Variants in CAPN14 observed in about 807,000 individuals in gnomAD.
CAPN14 encodes calpain 14, also known as calpain-14.
A neutral mutation model predicts 101.3 loss-of-function variants in CAPN14; 94 were observed. The observed-to-expected ratio is 0.93, with a 90% CI of 0.79 to 1.10. The LOEUF (loss-of-function observed/expected upper bound fraction) is 1.10. Among genes scored for constraint, CAPN14 ranks in the 50% least tolerant of loss-of-function variants. The pLI is 0.00. For synonymous variants in CAPN14, 338 were observed against 317.9 expected, an observed-to-expected ratio of 1.06 and a Z score of -0.67; for missense variants, 837 against 828.4, an observed-to-expected ratio of 1.01 and a Z score of -0.13.
intron 1 of CAPN14, among the ~76,000 whole-genome samples, chr2:31,227,755 C>T (rs902104705): frequency 6.6e-6 from 1 of 152,216 alleles, no homozygotes; most frequent in African/African-American, 2.4e-5. Flanking sequence ...TCGCCTCCAA[C>T]TGAAGTAAAC....
chr2:31,228,844 C>T (rs1231236634), intron 1 of CAPN14, among the ~76,000 whole-genome samples: 3 of 152,132 alleles, frequency 2.0e-5, no homozygotes, highest in Non-Finnish European at 4.4e-5. Flanking sequence ...CAAGCTCACA[C>T]AGCAAAGACA....
In CAPN14 at chr2:31,177,100, C is replaced by T. The variant is rs1206528913; in HGVS notation, c.1898G>A (p.Arg633His). 20 of 1,551,176 alleles carry T rather than the reference C, an allele frequency of 1.3e-5. No homozygotes were observed. The highest frequency in any genetic ancestry group is 1.7e-4 in the Middle Eastern group (1 of 6,014). Residue 633 changes from arginine to histidine, a missense_variant, in exon 20 of 22, where the codon CGC (arginine) becomes CAC (histidine). Coordinates refer to ENST00000403897, the MANE Select transcript of CAPN14 (RefSeq NM_001145122.2). Reference protein sequence around the residue: ...SDDVCQLMLIRYGGPRLQMDF... With the variant: ...SDDVCQLMLIHYGGPRLQMDF... Reference sequence around the variant, plus strand: ...CATCTGGAGGCGGGGGCCGCCGTAGCGGATGAGCATCAGCTGACAGACGTC... The same window carrying T: ...CATCTGGAGGCGGGGGCCGCCGTAGTGGATGAGCATCAGCTGACAGACGTC...
chr2:31,175,485 T>G (rs1378741067), intron 21 of CAPN14, among the ~76,000 whole-genome samples: 1 of 152,208 alleles, frequency 6.6e-6, no homozygotes, highest in Non-Finnish European at 1.5e-5. Flanking sequence ...CCCTGCTCAG[T>G]TTTGGGCTGT....
intron 5 of CAPN14, 113 bp downstream of exon 5, chr2:31,201,749 A>G: frequency 2.2e-6 from 3 of 1,348,562 alleles, no homozygotes; most frequent in Middle Eastern, 4.5e-4. Flanking sequence ...GTTGGCTAAG[A>G]CATGCCTCAG....
rs1012511824 is a variant in CAPN14 at position 31,173,376 on chromosome 2, C to T, written c.*1305G>A. ...TGCTCAAATCTCCTTTAGTCCTCTG[C>T]CAATGGACACACTTTTATCTCTTCA... On this transcript the variant is annotated 3_prime_UTR_variant, in exon 22 of 22. Coordinates refer to ENST00000403897, the MANE Select transcript of CAPN14 (RefSeq NM_001145122.2). 1 of 152,194 alleles carries T rather than the reference C, an allele frequency of 6.6e-6. No individual in the cohort carries two copies. Among genetic ancestry groups the T allele is most frequent in the African/African-American group, 2.4e-5 (1 of 41,434 alleles). 9.4% of individuals were successfully genotyped at this position (152,194 alleles called of 1,614,324 possible). A position where few individuals can be genotyped will look rare whatever the true frequency, so the allele number is the denominator to read the frequency against.
intron 2 of CAPN14, among the ~76,000 whole-genome samples, chr2:31,226,165 C>G (rs1683015271): frequency 6.6e-6 from 1 of 152,110 alleles, no homozygotes; most frequent in Admixed American, 6.5e-5. Context: ...ACCGAGAGAA[C>G]TAGTAAAGAA....
chr2:31,181,059 C>T, intron 16 of CAPN14, 59 bp from the exon 17 acceptor site: 1 of 1,424,230 alleles, frequency 7.0e-7, no homozygotes, highest in Admixed American at 2.0e-5. Context: ...CACCCCTTTT[C>T]TGAGCAGGAA....
At chr2:31,233,191 G>GTAA (rs1683246266) in intron 1 of CAPN14, among the ~76,000 whole-genome samples, 1 of 152,170 alleles carries the variant, frequency 6.6e-6, no homozygotes, top group African/African-American at 2.4e-5. Flanking sequence ...ACAATGATTA[G>GTAA]TAATAGCATT....
chr2:31,187,968 C>A (rs931326420), intron 14 of CAPN14, among the ~76,000 whole-genome samples, 154 bp from the exon 15 acceptor site: 1 of 152,142 alleles, frequency 6.6e-6, no homozygotes, highest in Admixed American at 6.5e-5. Context: ...TACAAACAGC[C>A]CTTGCTTCTC....
chr2:31,188,328 A>T lies in CAPN14; in HGVS notation c.1520T>A (p.Val507Asp). ...CACCAGACTACTCACCTTTGAGAAG[A>T]CGACACCAGAATTGCTGCCAATTTC... ...FYEIGSNSGV[V>D]FSKEIEDQNE... Residue 507 changes from valine (V) to aspartate (D), a missense_variant, in exon 14 of 22, where the codon GTC (valine) becomes GAC (aspartate). Transcript: ENST00000403897. 1 of 1,551,600 alleles carries T rather than the reference A, an allele frequency of 6.4e-7. No individual in the cohort carries two copies. The highest frequency in any genetic ancestry group is 2.4e-5 in the East Asian group (1 of 40,922).
At chr2:31,219,810 G>A (rs558172375), upstream of CAPN14, among the ~76,000 whole-genome samples, 16 of 152,280 alleles carry the variant, frequency 1.1e-4, no homozygotes, top group South Asian at 2.1e-4. Flanking sequence ...AGTTGTGCTC[G>A]TCATCTCTCT....
chr2:31,226,298 A>G (rs1683019185), intron 2 of CAPN14, among the ~76,000 whole-genome samples: 1 of 152,176 alleles, frequency 6.6e-6, no homozygotes, highest in Admixed American at 6.5e-5. Flanking sequence ...GTGCTCACAG[A>G]CATTTTTGTA....
intron 15 of CAPN14, among the ~76,000 whole-genome samples, chr2:31,186,864 C>G (rs559782222): frequency 6.6e-6 from 1 of 152,156 alleles, no homozygotes; most frequent in Admixed American, 6.5e-5. Context: ...AAAACTGAGG[C>G]ATATTCATAA....
chr2:31,182,680 A>C (rs1015684718), intron 16 of CAPN14, among the ~76,000 whole-genome samples: 3 of 141,092 alleles, frequency 2.1e-5, no homozygotes, highest in Non-Finnish European at 4.5e-5. Context: ...TCAATGAAAT[A>C]AAAGAGGACA....
At chr2:31,180,736 C>A (rs952908108) in intron 17 of CAPN14, among the ~76,000 whole-genome samples, 200 bp downstream of exon 17, 18 of 152,248 alleles carry the variant, frequency 1.2e-4, no homozygotes, top group African/African-American at 4.3e-4. Flanking sequence ...ATTTGCATTC[C>A]CACGTTAATC....
intron 17 of CAPN14, among the ~76,000 whole-genome samples, chr2:31,179,060 C>CTATAAA (rs1553389815): frequency 4.9e-4 from 34 of 69,212 alleles, no homozygotes; most frequent in African/African-American, 2.1e-3. Flanking sequence ...TTATTGAGTT[C>CTATAAA]TATATATATA....
rs1372312409 is a variant in CAPN14 at position 31,177,154 on chromosome 2, A to G, written c.1856-12T>C. 6.5e-7 allele frequency: 1 copy of G among 1,541,078 alleles called. No homozygotes were observed. The highest frequency in any genetic ancestry group is 8.8e-7 in the Non-Finnish European group (1 of 1,138,514). On this transcript the variant is annotated splice_polypyrimidine_tract_variant and intron_variant, in intron 19 of 21. Transcript: ENST00000403897. ...ACTGAGCATGATTCCTGCATTGAGC[A>G]CAAGCTCCTGCTGTGGGTATTGGGG... is the stretch of plus-strand genomic sequence containing the variant.
intron 1 of CAPN14, among the ~76,000 whole-genome samples, chr2:31,229,930 T>TA (rs574083152): frequency 5.9e-5 from 9 of 152,230 alleles, no homozygotes; most frequent in Non-Finnish European, 1.2e-4. Flanking sequence ...TGTATGATTC[T>TA]ATGCATAATA....
intron 1 of CAPN14, among the ~76,000 whole-genome samples, chr2:31,210,356 G>A (rs1368134966): frequency 6.6e-6 from 1 of 152,200 alleles, no homozygotes; most frequent in Non-Finnish European, 1.5e-5. Flanking sequence ...GCTGAGGCAG[G>A]AGAATGGTGT....
Sources: gnomAD v4.1 joint callset for allele counts (sites outside exome capture counted in the v4.1 genomes callset) on GRCh38, gnomAD v4.1.1 for gene constraint, MANE v1.5 for transcripts, NCBI Gene and HGNC (gene_info 2026-07-23, HGNC 2026-07-21) for gene names.